Variants in MEP1B observed in about 807,000 individuals in gnomAD.
MEP1B encodes meprin A subunit beta, also known as N-benzoyl-L-tyrosyl-P-amino-benzoic acid hydrolase subunit beta.
Under a neutral mutation model 84.6 loss-of-function variants are expected in MEP1B, and 80 were observed. That is an observed-to-expected ratio of 0.95 (90% CI 0.79 to 1.14). The LOEUF is 1.14. MEP1B is among the 50% of genes most tolerant of loss of function. The probability of loss-of-function intolerance (pLI) is 0.00; values close to 1 mark genes in which losing one functional copy is unlikely to be tolerated. For synonymous variants in MEP1B, 273 were observed against 288.1 expected (o/e 0.95, Z 0.53); for missense variants, 766 against 855.1 (o/e 0.90, Z 1.30).
chr18:32,211,270 GA>G (rs1222267215), intron 10 of MEP1B, among the ~76,000 whole-genome samples: 3 of 151,518 alleles, frequency 2.0e-5, no homozygotes, highest in Non-Finnish European at 2.9e-5. Flanking sequence ...CTCCATCTCT[GA>G]AAAAATAAAT....
chr18:32,212,389 T>G (rs559345876), intron 10 of MEP1B, among the ~76,000 whole-genome samples: 1 of 152,316 alleles, frequency 6.6e-6, no homozygotes, highest in African/African-American at 2.4e-5. Flanking sequence ...CCTCAGCTGT[T>G]GTTCATCTGG....
At chr18:32,219,840 A>G (rs1293395395) in intron 14 of MEP1B, among the ~76,000 whole-genome samples, 6 of 151,616 alleles carry the variant, frequency 4.0e-5, no homozygotes, top group Non-Finnish European at 1.5e-5. Context: ...ACTCCATAAT[A>G]TTACAACAGA....
chr18:32,217,172 A>G, intron 13 of MEP1B, 55 bp downstream of exon 13: 3 of 1,570,534 alleles, frequency 1.9e-6, no homozygotes, highest in Non-Finnish European at 2.6e-6. Context: ...TTTTATTTCC[A>G]TAATGTAGGA....
chr18:32,217,092 G>T lies in MEP1B; in HGVS notation c.1861G>T (p.Val621Phe). ...CTGTAAAAATGACGGTGTCTGCACT[G>T]TTCGAGATGGCAAAGCTGAGTGCAG... ...TTCKNDGVCT[V>F]RDGKAECRCQ... The change falls in exon 13 of 15, where the codon GTT (valine) becomes TTT (phenylalanine). Residue 621 changes from valine to phenylalanine, a missense_variant. Val to Phe is a conservative substitution (Grantham distance 50, BLOSUM62 -1). Coordinates refer to ENST00000269202, the MANE Select transcript of MEP1B (RefSeq NM_005925.3). 6.2e-7 allele frequency: 1 copy of T among 1,613,798 alleles called. No homozygotes were observed. The highest frequency in any genetic ancestry group is 8.5e-7 in the Non-Finnish European group (1 of 1,179,824).
At chr18:32,205,930 T>C (rs2040960052) in intron 7 of MEP1B, among the ~76,000 whole-genome samples, 1 of 152,178 alleles carries the variant, frequency 6.6e-6, no homozygotes, top group Non-Finnish European at 1.5e-5. Context: ...TGAGGTTTAT[T>C]CTCTTAGCAA....
intron 7 of MEP1B, 145 bp from the exon 8 acceptor site, chr18:32,207,107 T>C (rs551910240): frequency 1.6e-6 from 1 of 609,980 alleles, no homozygotes; most frequent in South Asian, 2.0e-5. Flanking sequence ...TATTATATTG[T>C]AAGATGGGAA....
chr18:32,213,240 C>A lies in MEP1B; in HGVS notation c.1260C>A (p.Ile420=). 6.2e-7 allele frequency: 1 copy of A among 1,613,974 alleles called. No homozygotes were observed. The highest frequency in any genetic ancestry group is 8.5e-7 in the Non-Finnish European group (1 of 1,179,866). ...ASLGGLSIDD[I]NLSETRCPHH... Reference sequence around the variant, plus strand: ...TGGGTGGTCTGTCTATTGATGACATCAATCTTTCGGAAACACGGTGCCCTC... The same window carrying A: ...TGGGTGGTCTGTCTATTGATGACATAAATCTTTCGGAAACACGGTGCCCTC... The change falls in exon 11 of 15, where the codon ATC becomes ATA. Residue 420 remains isoleucine, a synonymous_variant. Transcript: ENST00000269202.
At chr18:32,207,610 AC>A in intron 8 of MEP1B, 140 bp downstream of exon 8, 4 of 640,976 alleles carry the variant, frequency 6.2e-6, no homozygotes, top group Middle Eastern at 4.0e-4. Flanking sequence ...ACAGAATAGC[AC>A]TCAGATCTCA....
intron 8 of MEP1B, among the ~76,000 whole-genome samples, chr18:32,207,758 C>T (rs940320662): frequency 1.3e-4 from 20 of 152,194 alleles, no homozygotes; most frequent in Non-Finnish European, 2.8e-4. Flanking sequence ...CAGATTGATA[C>T]TCACACTTCC....
At chr18:32,192,266 T>C (rs1315100483) in intron 2 of MEP1B, among the ~76,000 whole-genome samples, 1 of 152,130 alleles carries the variant, frequency 6.6e-6, no homozygotes, top group Non-Finnish European at 1.5e-5. Context: ...GGTATACTAC[T>C]AGCAAGTGAT....
At chr18:32,206,023 C>T (rs1333212796) in intron 7 of MEP1B, among the ~76,000 whole-genome samples, 1 of 151,992 alleles carries the variant, frequency 6.6e-6, no homozygotes, top group African/African-American at 2.4e-5. Flanking sequence ...GCTCTGTTGC[C>T]CAGGCTGGAG....
rs779685270 is a variant in MEP1B at position 32,210,543 on chromosome 18, T to C, written c.962T>C (p.Val321Ala). The C allele has an allele frequency of 1.9e-6, 3 of 1,613,876 alleles. No homozygotes were observed. In the East Asian group the frequency reaches 6.7e-5, roughly 36 times the overall value. The change falls in exon 10 of 15, where the codon GTG becomes GCG. Residue 321 changes from valine to alanine, a missense_variant. By Grantham distance (64) the Val-to-Ala change is moderately conservative. Transcript: ENST00000269202. ...FMHFDSSSVN[V>A]GATAVLESRT... ...CATTTCGATAGCAGCTCTGTAAATG[T>C]GGGGGCCACAGCAGTGCTGGAAAGT...
chr18:32,194,842 A>G (rs2040836721), intron 4 of MEP1B, among the ~76,000 whole-genome samples: 2 of 150,318 alleles, frequency 1.3e-5, no homozygotes, highest in African/African-American at 4.9e-5. Context: ...TTTTTTACAT[A>G]CTCTTTCTGT....
rs745809060 is a variant in MEP1B, at chr18:32,213,320, C to T, written c.1340C>T (p.Thr447Ile). ...FTQFIGSPNG[T>I]LYSPPFYSSK... ...CAGTTCATTGGCAGCCCAAATGGAA[C>T]TCTGTATAGCCCTCCATTTTACTCT... The change falls in exon 11 of 15, where the codon ACT becomes ATT. Residue 447 changes from threonine (T) to isoleucine (I), a missense_variant. By Grantham distance (89) the Thr-to-Ile change is moderately conservative. Transcript: ENST00000269202. The T allele has an allele frequency of 6.2e-7, 1 of 1,613,888 alleles. No individual in the cohort carries two copies. Among genetic ancestry groups the T allele is most frequent in the South Asian group, 1.1e-5 (1 of 91,072 alleles).
chr18:32,192,201 A>G (rs16962785), intron 2 of MEP1B, among the ~76,000 whole-genome samples: 5,571 of 152,162 alleles, frequency 0.037, 310 homozygotes, highest in African/African-American at 0.12. Flanking sequence ...ATACACCTTT[A>G]CAACTTAAAA....
rs1568268137 is a variant in MEP1B at position 32,204,377 on chromosome 18, T to C, written c.547+17T>C. The C allele has an allele frequency of 1.3e-6, 2 of 1,558,192 alleles. No homozygotes were observed. The highest frequency in any genetic ancestry group is 1.9e-5 in the Admixed American group (1 of 52,430). On this transcript the variant is annotated intron_variant, in intron 7 of 14. Transcript: ENST00000269202. Reference sequence around the variant, plus strand: ...TTCTGTCAGGTACATTTCTCTTTTTTTCCTATGTTTTTAGTTAAGGACTGA... The same window carrying C: ...TTCTGTCAGGTACATTTCTCTTTTTCTCCTATGTTTTTAGTTAAGGACTGA...
intron 5 of MEP1B, among the ~76,000 whole-genome samples, chr18:32,201,591 G>C (rs959566297): frequency 6.6e-5 from 10 of 152,132 alleles, no homozygotes; most frequent in African/African-American, 1.9e-4. Context: ...AAAATGCTAT[G>C]TAGATGACTT....
chr18:32,192,881 T>C (rs988422926), intron 4 of MEP1B, 64 bp downstream of exon 4: 14 of 1,279,578 alleles, frequency 1.1e-5, no homozygotes, highest in Non-Finnish European at 1.6e-5. Flanking sequence ...TCAGAGTAAC[T>C]GAGAAAGATT....
intron 5 of MEP1B, among the ~76,000 whole-genome samples, chr18:32,195,809 T>C (rs1362607722): frequency 6.6e-6 from 1 of 152,110 alleles, no homozygotes; most frequent in Non-Finnish European, 1.5e-5. Context: ...CTCTGCATCA[T>C]ATATTCATTG....
Sources: gnomAD v4.1 joint callset for allele counts (sites outside exome capture counted in the v4.1 genomes callset) on GRCh38, gnomAD v4.1.1 for gene constraint, MANE v1.5 for transcripts, NCBI Gene and HGNC (gene_info 2026-07-23, HGNC 2026-07-21) for gene names.